PRKG1: variants seen among roughly 807,000 people sequenced by gnomAD.
The protein encoded by PRKG1 is cGMP-dependent protein kinase 1.
In PRKG1, 35 loss-of-function variants were observed where a neutral mutation model predicts 88.1. The ratio of observed to expected loss-of-function variants is 0.40; its 90% CI spans 0.30 to 0.53. The LOEUF is 0.53. Among genes scored for constraint, PRKG1 ranks in the 20% least tolerant of loss-of-function variants. The pLI, the probability that PRKG1 is intolerant of heterozygous loss-of-function variation, is 0.59. For missense variants in PRKG1, 540 were observed against 839.8 expected (o/e 0.64, Z 4.41); for synonymous variants, 303 against 292.5 (o/e 1.04, Z -0.37).
intron 9 of PRKG1, among the ~76,000 whole-genome samples, chr10:52,225,561 C>A (rs146582703): frequency 0.015 from 2,329 of 152,206 alleles, 48 homozygotes; most frequent in African/African-American, 0.051. Flanking sequence ...AAATCCTTGC[C>A]TAAGCCAATG....
chr10:52,102,560 C>G (rs1050755679), intron 7 of PRKG1, among the ~76,000 whole-genome samples: 1 of 133,150 alleles, frequency 7.5e-6, no homozygotes, highest in Non-Finnish European at 1.6e-5. Flanking sequence ...GAGCCAATCA[C>G]GAAAATCATG....
chr10:51,286,950 C>T (rs912171221), intron 2 of PRKG1, among the ~76,000 whole-genome samples: 3 of 152,132 alleles, frequency 2.0e-5, no homozygotes, highest in Non-Finnish European at 4.4e-5. Flanking sequence ...AATCATGACT[C>T]ACTGGAGCCT....
chr10:51,580,904 C>T (rs1838015206), intron 3 of PRKG1, among the ~76,000 whole-genome samples: 1 of 151,968 alleles, frequency 6.6e-6, no homozygotes, highest in Admixed American at 6.6e-5. Flanking sequence ...ATTGCGGGAT[C>T]TGGCCAGCAG....
At position 51,330,001 on chromosome 10, in the gene PRKG1, C is replaced by G. The variant is rs148012642; in HGVS notation, c.479-137722C>G. 7.6e-3 allele frequency among the ~76,000 whole-genome samples: 1,135 copies of G among 148,454 alleles called. 3 individuals carry two copies. The highest frequency in any genetic ancestry group is 0.014 in the Middle Eastern group (4 of 290). On this transcript the variant is annotated intron_variant, in intron 2 of 17. Coordinates refer to ENST00000373980, the MANE Select transcript of PRKG1 (RefSeq NM_006258.4). ...TGTACTTAGATACTTACATCATTCT[C>G]CAGATTGAGAAAGTTTTCTGCAACT... is the stretch of plus-strand genomic sequence containing the variant.
At chr10:51,564,993 GAA>G (rs1433171100) in intron 3 of PRKG1, among the ~76,000 whole-genome samples, 3 of 151,916 alleles carry the variant, frequency 2.0e-5, no homozygotes, top group African/African-American at 7.2e-5. Context: ...ACCCAGAAGA[GAA>G]AGAGAAAATC....
chr10:51,192,016 T>C (rs1240534626), intron 2 of PRKG1, among the ~76,000 whole-genome samples: 1 of 151,874 alleles, frequency 6.6e-6, no homozygotes, highest in Non-Finnish European at 1.5e-5. Flanking sequence ...CAGATGTTAT[T>C]ATAAGAATTT....
chr10:51,914,439 C>T (rs1378534962), intron 5 of PRKG1, among the ~76,000 whole-genome samples: 1 of 152,086 alleles, frequency 6.6e-6, no homozygotes, highest in Non-Finnish European at 1.5e-5. Context: ...ATTGAAAACA[C>T]CAAATTGGAG....
intron 2 of PRKG1, among the ~76,000 whole-genome samples, chr10:51,364,168 G>T (rs1842543388): frequency 6.6e-6 from 1 of 151,874 alleles, no homozygotes; most frequent in African/African-American, 2.4e-5. Context: ...CTCACTCTTA[G>T]CTGGTTTCTC....
chr10:51,153,120 G>A, intron 1 of PRKG1, 44 bp from the exon 2 acceptor site: 2 of 1,576,064 alleles, frequency 1.3e-6, no homozygotes, highest in Non-Finnish European at 1.7e-6. Context: ...AACTATGAAA[G>A]AGCTTGTCAG....
intron 3 of PRKG1, among the ~76,000 whole-genome samples, chr10:51,483,318 GC>G: frequency 6.6e-6 from 1 of 152,222 alleles, no homozygotes; most frequent in East Asian, 1.9e-4. Context: ...ACCGCACCCA[GC>G]CCCCTGAGCC....
chr10:51,107,810 C>CAAAAAAAAA (rs150587434), intron 1 of PRKG1, among the ~76,000 whole-genome samples: 3 of 63,314 alleles, frequency 4.7e-5, no homozygotes, highest in African/African-American at 5.9e-5. Context: ...AACCCTGTCT[C>CAAAAAAAAA]AAAAAAAAAA....
chr10:51,422,958 TA>T (rs200275291), intron 2 of PRKG1, among the ~76,000 whole-genome samples: 18,914 of 140,452 alleles, frequency 0.13, 1,435 homozygotes, highest in Admixed American at 0.24. Context: ...TCCATTGAAA[TA>T]GGTTTTTTTT....
At position 52,297,923 on chromosome 10, in the gene PRKG1, A is replaced by C. The variant is rs950720447; in HGVS notation, c.*4023A>C. 1 of 152,194 alleles carries C rather than the reference A, an allele frequency of 6.6e-6. No individual in the cohort carries two copies. The highest frequency in any genetic ancestry group is 1.5e-5 in the Non-Finnish European group (1 of 68,032). The allele number at this position is 152,194 out of a possible 1,614,324, so 9.4% of individuals were successfully genotyped here. The stretch of plus-strand genomic sequence containing the variant: ...CAAGTTTTCAACAGACCTAGAAAGC[A>C]AAACATTGAAAGTGTGTTGTTAGCC... On this transcript the variant is annotated 3_prime_UTR_variant, in exon 18 of 18. Coordinates refer to ENST00000373980, the MANE Select transcript of PRKG1 (RefSeq NM_006258.4).
intron 3 of PRKG1, among the ~76,000 whole-genome samples, chr10:51,796,559 T>C (rs1455974972): frequency 1.3e-5 from 2 of 152,060 alleles, no homozygotes; most frequent in East Asian, 3.9e-4. Flanking sequence ...AGGGCTAAGC[T>C]TGATAAAAGT....
At chr10:51,453,092 G>A (rs1328096272) in intron 2 of PRKG1, among the ~76,000 whole-genome samples, 1 of 151,790 alleles carries the variant, frequency 6.6e-6, no homozygotes, top group Non-Finnish European at 1.5e-5. Context: ...GGTGTTCATG[G>A]TAGCCTTGAA....
At chr10:51,118,323 A>G (rs1028356918) in intron 1 of PRKG1, among the ~76,000 whole-genome samples, 8 of 152,222 alleles carry the variant, frequency 5.3e-5, no homozygotes, top group Non-Finnish European at 1.0e-4. Flanking sequence ...GGTAAATTTT[A>G]GAAAAGGAAT....
intron 2 of PRKG1, among the ~76,000 whole-genome samples, chr10:51,254,362 A>AT (rs542683715): frequency 1.5e-4 from 23 of 152,004 alleles, no homozygotes; most frequent in Admixed American, 9.8e-4. Context: ...AGATTATTAG[A>AT]TTTTTTGCAT....
At chr10:51,947,394 C>T (rs1843070364) in intron 5 of PRKG1, among the ~76,000 whole-genome samples, 2 of 152,168 alleles carry the variant, frequency 1.3e-5, no homozygotes, top group African/African-American at 4.8e-5. Context: ...GGAAAGGGAA[C>T]TGCCTGACCC....
chr10:51,843,234 A>T (rs1840323873), intron 4 of PRKG1, among the ~76,000 whole-genome samples: 1 of 151,628 alleles, frequency 6.6e-6, no homozygotes, highest in Non-Finnish European at 1.5e-5. Flanking sequence ...AAAGTGGAAT[A>T]TTAGTGTTAT....
Sources: gnomAD v4.1 joint callset for allele counts (sites outside exome capture counted in the v4.1 genomes callset) on GRCh38, gnomAD v4.1.1 for gene constraint, MANE v1.5 for transcripts, NCBI Gene and HGNC (gene_info 2026-07-23, HGNC 2026-07-21) for gene names.